SPTBN2: variants seen among roughly 807,000 people sequenced by gnomAD.
SPTBN2 encodes spectrin beta, non-erythrocytic 2, also known as spectrin beta chain, non-erythrocytic 2.
SPTBN2 carries 107 observed loss-of-function variants against 284.2 expected under a neutral mutation model. The observed-to-expected ratio is 0.38, with a 90% confidence interval of 0.32 to 0.44. SPTBN2 has a LOEUF of 0.44. Ranked by LOEUF, SPTBN2 falls within the 20% of genes least tolerant of loss-of-function variation. SPTBN2 has a pLI of 1.00. For missense variants in SPTBN2, 2,569 were observed against 3,287.1 expected, an observed-to-expected ratio of 0.78 and a Z score of 5.34; for synonymous variants, 1,289 against 1,354.8, an observed-to-expected ratio of 0.95 and a Z score of 1.07.
rs534160802 is a variant in SPTBN2 at position 66,715,447 on chromosome 11, T to A, written c.310-52A>T. 7 of 1,571,250 alleles carry A rather than the reference T, an allele frequency of 4.5e-6. No homozygotes were observed. In the South Asian group the frequency reaches 6.0e-5, roughly 13 times the overall value. On this transcript the variant is annotated intron_variant, in intron 4 of 37. Transcript: ENST00000533211. The surrounding 1 kb of genome is among the most constrained non-coding windows in gnomAD (Gnocchi z 5.3). ...ACGGGACTGTGGGCTTCCACCTTCT[T>A]CCCCAGCCTTCACAGGGCCCAGCTT...
intron 1 of SPTBN2, among the ~76,000 whole-genome samples, chr11:66,741,711 T>C (rs1942897022): frequency 6.6e-6 from 1 of 152,234 alleles, no homozygotes; most frequent in African/African-American, 2.4e-5. Context: ...TTTAGTTTCT[T>C]TGGGCTTCAA....
chr11:66,701,483 T>C (rs1209747620), intron 16 of SPTBN2, 101 bp downstream of exon 16: 1 of 1,595,060 alleles, frequency 6.3e-7, no homozygotes, highest in Non-Finnish European at 8.6e-7. Context: ...TGCTTCCTCC[T>C]TTGTAGCCAC....
chr11:66,740,896 A>G (rs1942891319), intron 1 of SPTBN2, among the ~76,000 whole-genome samples: 1 of 152,166 alleles, frequency 6.6e-6, no homozygotes, highest in East Asian at 1.9e-4. Context: ...TGGGGCCTTA[A>G]GAAGTGTCTA....
intron 1 of SPTBN2, among the ~76,000 whole-genome samples, chr11:66,738,139 C>G (rs947582600): frequency 1.1e-4 from 16 of 151,952 alleles, no homozygotes; most frequent in African/African-American, 3.9e-4. Context: ...CACTTGAACC[C>G]GGGAGGCAGA....
At chr11:66,705,903 T>G (rs1941530933) in intron 13 of SPTBN2, 66 bp from the exon 14 acceptor site, 1 of 1,566,612 alleles carries the variant, frequency 6.4e-7, no homozygotes, top group Admixed American at 1.8e-5. Context: ...GCTGCGTTTT[T>G]CTTCCAACTT....
At chr11:66,727,684 G>C (rs1271588429) in intron 1 of SPTBN2, among the ~76,000 whole-genome samples, 1 of 152,140 alleles carries the variant, frequency 6.6e-6, no homozygotes, top group African/African-American at 2.4e-5. Flanking sequence ...GAACAGAAGG[G>C]AGCGCGTGGA....
chr11:66,725,000 A>G (rs1260254069), intron 1 of SPTBN2, among the ~76,000 whole-genome samples: 1 of 152,162 alleles, frequency 6.6e-6, no homozygotes, highest in African/African-American at 2.4e-5. Flanking sequence ...CAACTGTTAG[A>G]ATGTCTCTGC....
At chr11:66,701,532 C>G in intron 16 of SPTBN2, 52 bp downstream of exon 16, 1 of 1,613,936 alleles carries the variant, frequency 6.2e-7, no homozygotes, top group South Asian at 1.1e-5. Context: ...CACTGCCATC[C>G]CCATTGCTTC....
intron 13 of SPTBN2, among the ~76,000 whole-genome samples, chr11:66,706,844 C>G (rs1420381610): frequency 6.6e-6 from 1 of 152,202 alleles, no homozygotes; most frequent in Non-Finnish European, 1.5e-5. Context: ...GTTGGCCAGG[C>G]TGGTCTTGAA....
In SPTBN2 at chr11:66,708,008, G is replaced by A. The variant is rs374514560; in HGVS notation, c.1350+133C>T. The A allele has an allele frequency of 6.2e-5, 92 of 1,484,332 alleles. No individual in the cohort carries two copies. The highest frequency in any genetic ancestry group is 3.2e-4 in the South Asian group (27 of 84,578). 91.9% of individuals were successfully genotyped at this position (1,484,332 alleles called of 1,614,324 possible). On this transcript the variant is annotated intron_variant, in intron 12 of 37. Coordinates refer to ENST00000533211, the MANE Select transcript of SPTBN2 (RefSeq NM_006946.4). This position sits in a 1 kb window ranked among gnomAD's most constrained non-coding sequence, Gnocchi z 4.4. ...TCCCACCCTCTGGCCCCTGGCTCCC[G>A]GACCTCTAGGCCTTTTTACCCAGGT...
In SPTBN2 at chr11:66,689,931, G is replaced by A. The variant is rs140670329; in HGVS notation, c.5823C>T (p.Ser1941=). Residue 1941 remains serine, a synonymous_variant, in exon 29 of 38, where the codon TCC becomes TCT. Coordinates refer to ENST00000533211, the MANE Select transcript of SPTBN2 (RefSeq NM_006946.4). ...GCTGGTTCTTGATGACTAGATCCGCGGAGGACACATCCCTGGGGGGAGGCA... is the reference window on the plus strand; with the variant it reads ...GCTGGTTCTTGATGACTAGATCCGCAGAGGACACATCCCTGGGGGGAGGCA... ...DAQERPRDVS[S]ADLVIKNQQG... The A allele has an allele frequency of 9.9e-6, 16 of 1,613,788 alleles. No homozygotes were observed. The highest frequency in any genetic ancestry group is 6.7e-5 in the African/African-American group (5 of 74,824).
chr11:66,689,825 T>G lies in SPTBN2; in HGVS notation c.5929A>C (p.Ser1977Arg). The G allele has an allele frequency of 6.2e-7, 1 of 1,613,904 alleles. No individual in the cohort carries two copies. The highest frequency in any genetic ancestry group is 1.1e-5 in the South Asian group (1 of 91,072). ...IDMGKELLAR[S>R]HYAAEEISEK... is the part of the protein sequence containing the mutation. Reference sequence around the variant, plus strand: ...CCCACCTCCTCGGCCGCATAGTGGCTCCTGGCCAGCAGCTCCTTCCCCATG... The same window carrying G: ...CCCACCTCCTCGGCCGCATAGTGGCGCCTGGCCAGCAGCTCCTTCCCCATG... Residue 1977 changes from serine to arginine, a missense_variant, in exon 29 of 38, where the codon AGC becomes CGC. Coordinates refer to ENST00000533211, the MANE Select transcript of SPTBN2 (RefSeq NM_006946.4).
intron 1 of SPTBN2, among the ~76,000 whole-genome samples, chr11:66,738,467 A>T (rs1469809608): frequency 6.6e-6 from 1 of 152,178 alleles, no homozygotes; most frequent in Non-Finnish European, 1.5e-5. Context: ...AGAAGTCAGA[A>T]GTGGCCTTAA....
chr11:66,694,282 G>T lies in SPTBN2; in HGVS notation c.4360C>A (p.Gln1454Lys), dbSNP rs761287825. Residue 1454 changes from glutamine (Q) to lysine (K), a missense_variant, in exon 22 of 38, where the codon CAG becomes AAG. Coordinates refer to ENST00000533211, the MANE Select transcript of SPTBN2 (RefSeq NM_006946.4). ...AQAKALAQEDQGAGEVERTSR... is the reference protein window; with the variant it reads ...AQAKALAQEDKGAGEVERTSR... ...GTTCTCTCCACCTCCCCTGCACCCT[G>T]GTCCTCCTGGGCCAGTGCTTTGGCC... 1.2e-6 allele frequency: 2 copies of T among 1,614,210 alleles called. No homozygotes were observed. The highest frequency in any genetic ancestry group is 2.2e-5 in the South Asian group (2 of 91,086).
rs879653612 is a variant in SPTBN2 at position 66,682,767 on chromosome 11, A to ATT, written c.*3102_*3103dup. Among the ~76,000 whole-genome samples, 21 of 144,130 alleles carry ATT rather than the reference A, an allele frequency of 1.5e-4. No homozygotes were observed. The highest frequency in any genetic ancestry group is 4.6e-4 in the African/African-American group (18 of 39,466). The allele number at this position is 144,130 out of a possible 152,430, so 94.6% of individuals were successfully genotyped here. On this transcript the variant is annotated 3_prime_UTR_variant, in exon 38 of 38. Coordinates refer to ENST00000533211, the MANE Select transcript of SPTBN2 (RefSeq NM_006946.4). ...AATATATTTTTCTCTACATAATCCT[A>ATT]TTTTTTTTTTTTTGAGACAGGGTCT...
At chr11:66,722,430 G>C (rs1942456634) in intron 1 of SPTBN2, among the ~76,000 whole-genome samples, 2 of 151,826 alleles carry the variant, frequency 1.3e-5, no homozygotes, top group Non-Finnish European at 1.5e-5. Context: ...CAAAAAATTA[G>C]CTGGGTGTGG....
At position 66,688,712 on chromosome 11, in the gene SPTBN2, A is replaced by C. The variant is rs1316481395; in HGVS notation, c.6172T>G (p.Phe2058Val). Reference protein sequence around the residue: ...VESLIKRHEAFQKSAVAWEER... With the variant: ...VESLIKRHEAVQKSAVAWEER... Reference sequence around the variant, plus strand: ...TCCCAGGCCACTGCTGACTTCTGGAAGGCCTCGTGCCGCTTGATGAGGCTC... The same window carrying C: ...TCCCAGGCCACTGCTGACTTCTGGACGGCCTCGTGCCGCTTGATGAGGCTC... Residue 2058 changes from phenylalanine to valine, a missense_variant, in exon 31 of 38, where the codon TTC becomes GTC. Coordinates refer to ENST00000533211, the MANE Select transcript of SPTBN2 (RefSeq NM_006946.4). 2 of 1,613,940 alleles carry C rather than the reference A, an allele frequency of 1.2e-6. No homozygotes were observed. The highest frequency in any genetic ancestry group is 1.7e-6 in the Non-Finnish European group (2 of 1,180,016).
intron 1 of SPTBN2, among the ~76,000 whole-genome samples, chr11:66,723,800 T>C (rs1942520538): frequency 6.6e-6 from 1 of 152,208 alleles, no homozygotes; most frequent in African/African-American, 2.4e-5. Context: ...AAGAGTGCTG[T>C]GGGCAAGGCA....
chr11:66,696,773 T>C (rs970383262), intron 20 of SPTBN2, among the ~76,000 whole-genome samples: 7 of 152,220 alleles, frequency 4.6e-5, no homozygotes, highest in African/African-American at 1.7e-4. Context: ...TCAAACAGCA[T>C]TTCAACGAGG....
Sources: allele counts gnomAD v4.1 joint callset (sites outside exome capture counted in the v4.1 genomes callset), GRCh38; gene constraint gnomAD v4.1.1; non-coding constraint Gnocchi (gnomAD v3.1); transcripts MANE v1.5; gene names NCBI Gene and HGNC (gene_info 2026-07-23, HGNC 2026-07-21).